The following TMIGD3 variants were observed in gnomAD, a reference collection of about 807,000 sequenced individuals.
TMIGD3 encodes the protein AD026 protein (AD026).
A neutral mutation model predicts 28.1 loss-of-function variants in TMIGD3; 21 were observed. That is an observed-to-expected ratio of 0.75 (90% confidence interval 0.53 to 1.08). TMIGD3 has a LOEUF of 1.08. Among genes scored for constraint, TMIGD3 ranks in the 50% least tolerant of loss-of-function variants. The pLI is 0.00. For synonymous variants in TMIGD3, 151 were observed against 162.1 expected (o/e 0.93, Z 0.52); for missense variants, 416 against 435.6 (o/e 0.96, Z 0.40).
At chr1:111,540,817 T>A (rs887844998) in intron 1 of TMIGD3, among the ~76,000 whole-genome samples, 8 of 152,202 alleles carry the variant, frequency 5.3e-5, no homozygotes, top group African/African-American at 1.9e-4. Context: ...TCTAAACAGG[T>A]TCCAGGTTAC....
chr1:111,494,273 T>C (rs1009362039), intron 1 of TMIGD3, among the ~76,000 whole-genome samples: 1 of 152,172 alleles, frequency 6.6e-6, no homozygotes, highest in African/African-American at 2.4e-5. Flanking sequence ...AGTCAAACTA[T>C]CCATGTTTCT....
rs182744606 is a variant in TMIGD3 at position 111,503,433 on chromosome 1, G to A, written c.-79C>T. On this transcript the variant is annotated 5_prime_UTR_variant, in exon 1 of 6. It introduces an in-frame stop codon into an upstream open reading frame of the 5' UTR. Transcript: ENST00000369716. ...TGTAGGGCCAGTGGGCCTAGCTCTC[G>A]CCAGACGTCTTCCCAGAGGTCCATG... The A allele has an allele frequency of 1.5e-5, 22 of 1,502,830 alleles. No homozygotes were observed. Among genetic ancestry groups the A allele is most frequent in the East Asian group, 9.7e-5 (4 of 41,240 alleles). 93.1% of individuals were successfully genotyped at this position (1,502,830 alleles called of 1,614,324 possible). A position where few individuals can be genotyped will look rare whatever the true frequency, so the allele number is the denominator to read the frequency against.
chr1:111,558,138 A>G (rs1287801633), intron 1 of TMIGD3, among the ~76,000 whole-genome samples: 1 of 152,138 alleles, frequency 6.6e-6, no homozygotes, highest in African/African-American at 2.4e-5. Context: ...ATTACAATAA[A>G]CAGACCAAAC....
intron 1 of TMIGD3, among the ~76,000 whole-genome samples, chr1:111,530,621 A>G (rs1029880076): frequency 6.6e-6 from 1 of 152,172 alleles, no homozygotes; most frequent in Non-Finnish European, 1.5e-5. Context: ...TTCTTTCAGT[A>G]CCTTAAAGAT....
chr1:111,559,081 A>G (rs1657628894), intron 1 of TMIGD3, among the ~76,000 whole-genome samples: 1 of 152,184 alleles, frequency 6.6e-6, no homozygotes, highest in South Asian at 2.1e-4. Context: ...TTTTTAAAAA[A>G]CATGTATTTA....
At chr1:111,556,475 A>C (rs1035433526) in intron 1 of TMIGD3, among the ~76,000 whole-genome samples, 1 of 152,232 alleles carries the variant, frequency 6.6e-6, no homozygotes. Context: ...CATTACTCAC[A>C]GTTGCCATAG....
Position 111,502,046 on chromosome 1 carries a change from T to TATA in TMIGD3, c.350+958_350+959insTAT, listed in dbSNP as rs1557823805. On this transcript the variant is annotated intron_variant, in intron 1 of 5. Coordinates refer to ENST00000369716, the MANE Select transcript of TMIGD3 (RefSeq NM_020683.7). ...ATTATATTATATATAGGATATATAT[T>TATA]TAATATAATAAATATATAGGATATA... 2.8e-3 allele frequency among the ~76,000 whole-genome samples: 114 copies of TATA among 40,072 alleles called. 1 individual carries two copies. Among genetic ancestry groups the TATA allele is most frequent in the Non-Finnish European group, 4.4e-3 (58 of 13,270 alleles). The allele number at this position is 40,072 out of a possible 152,430, so 26.3% of individuals were successfully genotyped here. A position where few individuals can be genotyped will look rare whatever the true frequency, so the allele number is the denominator to read the frequency against.
chr1:111,510,488 G>C (rs192412246), intron 1 of TMIGD3, among the ~76,000 whole-genome samples: 2 of 152,068 alleles, frequency 1.3e-5, no homozygotes, highest in South Asian at 2.1e-4. Context: ...TAATAAACTA[G>C]ACTGCCTTGT....
Position 111,524,674 on chromosome 1 carries a change from C to T in TMIGD3, c.108-33912G>A, listed in dbSNP as rs146268616. Among the ~76,000 whole-genome samples, 855 of 152,254 alleles carry T rather than the reference C, an allele frequency of 5.6e-3. 9 individuals are homozygous for T. Among genetic ancestry groups the T allele is most frequent in the African/African-American group, 0.019 (805 of 41,552 alleles). Reference sequence around the variant, plus strand: ...TCACTCTGTCGCCCAGGCTGGAGTGCGGTGGCATGATCTCGGCTTGCTGCA... The same window carrying T: ...TCACTCTGTCGCCCAGGCTGGAGTGTGGTGGCATGATCTCGGCTTGCTGCA... On this transcript the variant is annotated intron_variant, in intron 1 of 5. Coordinates refer to the TMIGD3 transcript ENST00000369717.
chr1:111,544,738 G>A (rs1197490363), intron 1 of TMIGD3, among the ~76,000 whole-genome samples: 2 of 151,682 alleles, frequency 1.3e-5, no homozygotes, highest in South Asian at 2.1e-4. Context: ...TCCATTTTTG[G>A]TATATACCCA....
At chr1:111,489,891 T>G (rs1166413717) in intron 2 of TMIGD3, among the ~76,000 whole-genome samples, 1 of 152,098 alleles carries the variant, frequency 6.6e-6, no homozygotes, top group Non-Finnish European at 1.5e-5. Context: ...ATGTCCAGCT[T>G]GACCATGGCA....
At chr1:111,484,254 T>C (rs527933700) in intron 5 of TMIGD3, among the ~76,000 whole-genome samples, 2 of 152,334 alleles carry the variant, frequency 1.3e-5, no homozygotes, top group South Asian at 2.1e-4. Context: ...ACAAGTTCCA[T>C]GGACACAGAT....
intron 1 of TMIGD3, among the ~76,000 whole-genome samples, chr1:111,495,627 T>TA (rs1654854880): frequency 6.6e-6 from 1 of 152,178 alleles, no homozygotes. Context: ...CTCAAAGAGC[T>TA]AAAAACAGAA....
At chr1:111,490,421 T>A (rs1654599722) in intron 2 of TMIGD3, 2 of 546,270 alleles carry the variant, frequency 3.7e-6, no homozygotes, top group Admixed American at 6.3e-5. Context: ...CCAAAGTGAG[T>A]GCAGAGTCAT....
intron 5 of TMIGD3, 144 bp from the exon 6 acceptor site, chr1:111,483,901 T>G: frequency 1.5e-6 from 1 of 663,804 alleles, no homozygotes; most frequent in Non-Finnish European, 2.7e-6. Context: ...TGAGATCAGA[T>G]ATCATTACTG....
intron 1 of TMIGD3, among the ~76,000 whole-genome samples, chr1:111,516,464 G>A (rs1190442115): frequency 1.3e-5 from 2 of 152,116 alleles, no homozygotes; most frequent in Non-Finnish European, 2.9e-5. Flanking sequence ...TTAGACTTCC[G>A]CCCCAGCCAG....
chr1:111,517,773 G>A (rs1236543089), intron 1 of TMIGD3, among the ~76,000 whole-genome samples: 1 of 152,180 alleles, frequency 6.6e-6, no homozygotes, highest in Non-Finnish European at 1.5e-5. Context: ...TCCTCAGTGG[G>A]TTGATGCACT....
intron 1 of TMIGD3, among the ~76,000 whole-genome samples, chr1:111,523,379 C>T (rs191927638): frequency 3.9e-5 from 6 of 152,266 alleles, no homozygotes; most frequent in East Asian, 1.9e-4. Context: ...TTAGACTCAA[C>T]GTTGCTAAAG....
intron 1 of TMIGD3, among the ~76,000 whole-genome samples, chr1:111,520,134 T>C (rs757166201): frequency 9.9e-5 from 15 of 152,262 alleles, no homozygotes; most frequent in Non-Finnish European, 2.1e-4. Context: ...CAACAACTAA[T>C]AGTAAATTCT....
Sources: allele counts gnomAD v4.1 joint callset (sites outside exome capture counted in the v4.1 genomes callset), GRCh38; gene constraint gnomAD v4.1.1; transcripts MANE v1.5; gene names NCBI Gene and HGNC (gene_info 2026-07-23, HGNC 2026-07-21).